The following CFAP299 variants were observed in gnomAD, a reference collection of about 807,000 sequenced individuals.
CFAP299 encodes the protein cilia and flagella associated protein 299.
A neutral mutation model predicts 27.0 loss-of-function variants in CFAP299; 21 were observed. That is an observed-to-expected ratio of 0.78 (90% CI 0.55 to 1.12). CFAP299 has a LOEUF of 1.12. Ranked by LOEUF, CFAP299 falls within the 50% of genes most tolerant of loss-of-function variation. The probability of loss-of-function intolerance (pLI) is 0.00; values close to 1 mark genes in which losing one functional copy is unlikely to be tolerated. For synonymous variants in CFAP299, 104 were observed against 98.1 expected (o/e 1.06, Z -0.36); for missense variants, 310 against 276.6 (o/e 1.12, Z -0.86).
intron 3 of CFAP299, among the ~76,000 whole-genome samples, chr4:80,833,252 A>G (rs1016424839): frequency 2.0e-5 from 3 of 152,206 alleles, no homozygotes; most frequent in African/African-American, 7.2e-5. Context: ...TAATTTCAAA[A>G]TGAAGACAAT....
intron 2 of CFAP299, among the ~76,000 whole-genome samples, chr4:80,478,337 G>C (rs1277887566): frequency 6.6e-6 from 1 of 151,812 alleles, no homozygotes; most frequent in African/African-American, 2.4e-5. Context: ...TTACCCCACA[G>C]ACTTTTATTT....
At chr4:80,862,237 G>A (rs141676752) in intron 3 of CFAP299, among the ~76,000 whole-genome samples, 625 of 152,158 alleles carry the variant, frequency 4.1e-3, no homozygotes, top group Middle Eastern at 6.8e-3. Context: ...TGGAGCAGTG[G>A]CGTGTGCTTG....
At chr4:80,789,563 T>C (rs1048728116) in intron 3 of CFAP299, among the ~76,000 whole-genome samples, 38 of 152,220 alleles carry the variant, frequency 2.5e-4, no homozygotes, top group African/African-American at 9.1e-4. Context: ...AAGTGTTCAA[T>C]TACTTTCACA....
At chr4:80,580,321 T>C (rs1736099330) in intron 2 of CFAP299, among the ~76,000 whole-genome samples, 1 of 151,990 alleles carries the variant, frequency 6.6e-6, no homozygotes, top group Non-Finnish European at 1.5e-5. Context: ...ATTGGGTACC[T>C]TGATTCTACT....
intron 3 of CFAP299, among the ~76,000 whole-genome samples, chr4:80,589,724 G>A (rs1736627442): frequency 6.6e-6 from 1 of 152,100 alleles, no homozygotes; most frequent in South Asian, 2.1e-4. Flanking sequence ...TTGCTAATCA[G>A]AGACAAGAGA....
intron 3 of CFAP299, among the ~76,000 whole-genome samples, chr4:80,833,655 G>A (rs997504173): frequency 4.6e-5 from 7 of 152,252 alleles, no homozygotes; most frequent in African/African-American, 1.7e-4. Context: ...TTCTACCCAC[G>A]ATAGGTGTGC....
rs552214557 is a variant in CFAP299 at position 80,855,503 on chromosome 4, C to T, written c.334-14490C>T. On this transcript the variant is annotated intron_variant, in intron 3 of 5. Transcript: ENST00000358105. ...CATGTGACATGCTGGTGCGCTGCACCGACTAACTCGTCATCTAGCATTAGG... is the reference window on the plus strand; with the variant it reads ...CATGTGACATGCTGGTGCGCTGCACTGACTAACTCGTCATCTAGCATTAGG... Among the ~76,000 whole-genome samples, 22 of 152,140 alleles carry T rather than the reference C, an allele frequency of 1.4e-4. No individual in the cohort carries two copies. In the East Asian group the frequency reaches 1.7e-3, roughly 12 times the overall value.
chr4:80,324,075 C>A, the CFAP299 span, among the ~76,000 whole-genome samples: 40 of 152,032 alleles, frequency 2.6e-4, no homozygotes, highest in Non-Finnish European at 5.0e-4. Context: ...CCTATCAACC[C>A]GTCATCTAGG....
At chr4:80,497,451 A>G (rs950057273) in intron 2 of CFAP299, among the ~76,000 whole-genome samples, 1 of 152,180 alleles carries the variant, frequency 6.6e-6, no homozygotes. Context: ...GTAAGTTCTC[A>G]CTATTCTAAA....
intron 3 of CFAP299, among the ~76,000 whole-genome samples, chr4:80,707,879 C>T (rs1721914844): frequency 6.6e-6 from 1 of 152,040 alleles, no homozygotes; most frequent in African/African-American, 2.4e-5. Context: ...CATATGTACT[C>T]ATTTGTCCAA....
intron 3 of CFAP299, among the ~76,000 whole-genome samples, chr4:80,650,099 A>G (rs1055225391): frequency 1.3e-5 from 2 of 152,128 alleles, no homozygotes; most frequent in Non-Finnish European, 2.9e-5. Context: ...GCATAAGAAA[A>G]TGTGAATACC....
intron 3 of CFAP299, among the ~76,000 whole-genome samples, chr4:80,615,219 T>A (rs1268127290): frequency 6.6e-6 from 1 of 152,220 alleles, no homozygotes; most frequent in African/African-American, 2.4e-5. Context: ...TTAGGAACTC[T>A]GATTTGAGCT....
chr4:80,660,323 T>C (rs1328834646), intron 3 of CFAP299, among the ~76,000 whole-genome samples: 2 of 152,062 alleles, frequency 1.3e-5, no homozygotes, highest in Non-Finnish European at 2.9e-5. Flanking sequence ...GAGGTCAAGA[T>C]ACAGTGTGAG....
At chr4:80,824,593 A>G (rs1189510706) in intron 3 of CFAP299, among the ~76,000 whole-genome samples, 2 of 152,158 alleles carry the variant, frequency 1.3e-5, no homozygotes, top group African/African-American at 4.8e-5. Context: ...ATTAGAGACC[A>G]GGATATTTAA....
intron 3 of CFAP299, among the ~76,000 whole-genome samples, chr4:80,634,665 A>G (rs1739398096): frequency 1.3e-5 from 2 of 152,198 alleles, no homozygotes; most frequent in Admixed American, 6.5e-5. Flanking sequence ...TATGTAGCAT[A>G]ACACACATTT....
intron 3 of CFAP299, among the ~76,000 whole-genome samples, chr4:80,613,924 C>T (rs971728): frequency 6.6e-6 from 1 of 152,154 alleles, no homozygotes; most frequent in African/African-American, 2.4e-5. Context: ...GATAACTCTT[C>T]GCTATTCCTT....
chr4:80,336,940 A>C (rs540545416), intron 1 of CFAP299, among the ~76,000 whole-genome samples: 84 of 152,330 alleles, frequency 5.5e-4, no homozygotes, highest in African/African-American at 1.9e-3. Flanking sequence ...TTTGGACTTC[A>C]AAGATTGGTT....
At chr4:80,472,832 C>T (rs1450476738) in intron 2 of CFAP299, among the ~76,000 whole-genome samples, 2 of 152,146 alleles carry the variant, frequency 1.3e-5, no homozygotes, top group Non-Finnish European at 2.9e-5. Context: ...AGATGTTCCT[C>T]ATAGATAATA....
chr4:80,856,421 G>A (rs1731892671), intron 3 of CFAP299, among the ~76,000 whole-genome samples: 1 of 151,552 alleles, frequency 6.6e-6, no homozygotes, highest in African/African-American at 2.4e-5. Context: ...GATCCCATTT[G>A]TCAATTTTGG....
Sources: gnomAD v4.1 joint callset for allele counts (sites outside exome capture counted in the v4.1 genomes callset) on GRCh38, gnomAD v4.1.1 for gene constraint, MANE v1.5 for transcripts, NCBI Gene and HGNC (gene_info 2026-07-23, HGNC 2026-07-21) for gene names.